AK5: variants seen among roughly 807,000 people sequenced by gnomAD.
The protein encoded by AK5 is adenylate kinase 5, also known as adenylate kinase isoenzyme 5.
A neutral mutation model predicts 69.5 loss-of-function variants in AK5; 27 were observed. The ratio of observed to expected loss-of-function variants is 0.39; its 90% CI spans 0.29 to 0.54. The LOEUF (loss-of-function observed/expected upper bound fraction) is 0.54, where lower values mean the gene tolerates loss of function less well. AK5 is among the 20% of genes least tolerant of loss of function. The pLI is 0.71. For synonymous variants in AK5, 260 were observed against 244.4 expected (o/e 1.06, Z -0.60); for missense variants, 531 against 700.4 (o/e 0.76, Z 2.73).
chr1:77,313,912 A>G (rs367929684), intron 5 of AK5: 22 of 525,488 alleles, frequency 4.2e-5, no homozygotes, highest in African/African-American at 3.1e-4. Flanking sequence ...CCTGTAAGAA[A>G]GCAGAAGTCT....
chr1:77,435,046 A>G (rs975788361), intron 8 of AK5, among the ~76,000 whole-genome samples: 3 of 152,196 alleles, frequency 2.0e-5, no homozygotes, highest in African/African-American at 2.4e-5. Context: ...CAAGACAAAC[A>G]TTTGAGCATC....
intron 6 of AK5, among the ~76,000 whole-genome samples, chr1:77,344,994 C>CAAA (rs11290615): frequency 7.1e-6 from 1 of 140,120 alleles, no homozygotes; most frequent in Non-Finnish European, 1.6e-5. Flanking sequence ...TTAAATTGTG[C>CAAA]AAAAAAAAAA....
chr1:77,550,989 C>A (rs1258859772), intron 13 of AK5, among the ~76,000 whole-genome samples: 1 of 152,116 alleles, frequency 6.6e-6, no homozygotes, highest in African/African-American at 2.4e-5. Flanking sequence ...CCAGCCTGGC[C>A]AACATGGTGA....
rs562507119 is a variant in AK5, at chr1:77,349,191, G to A, written c.891+8623G>A. ...GCTTAATACGTGCCTAGTACTATTC[G>A]GAATGTTTCTGTTCTCACTTATAAG... is the stretch of plus-strand genomic sequence containing the variant. On this transcript the variant is annotated intron_variant, in intron 6 of 13. Coordinates refer to ENST00000354567, the MANE Select transcript of AK5 (RefSeq NM_174858.3). Among the ~76,000 whole-genome samples the A allele has an allele frequency of 8.5e-5, 13 of 152,106 alleles. 1 individual carries two copies. The highest frequency in any genetic ancestry group is 4.2e-4 in the South Asian group (2 of 4,812).
chr1:77,558,851 A>T lies in AK5; in HGVS notation c.*181A>T. ...TGTGAGAGGTGTCTGGAAATCATGC[A>T]TGGTGTATTTGGGACTATATCAACC... On this transcript the variant is annotated 3_prime_UTR_variant, in exon 14 of 14. Transcript: ENST00000354567. 1 of 594,370 alleles carries T rather than the reference A, an allele frequency of 1.7e-6. No individual in the cohort carries two copies. The highest frequency in any genetic ancestry group is 2.0e-5 in the South Asian group (1 of 49,458). The allele number at this position is 594,370 out of a possible 1,614,324, so 36.8% of individuals were successfully genotyped here.
intron 13 of AK5, among the ~76,000 whole-genome samples, chr1:77,541,185 G>A (rs1659250997): frequency 6.6e-6 from 1 of 152,164 alleles, no homozygotes; most frequent in Admixed American, 6.5e-5. Context: ...GGGATTACAG[G>A]CGTGAGCTAC....
At chr1:77,529,382 G>A (rs111314109) in intron 12 of AK5, among the ~76,000 whole-genome samples, 2,475 of 148,452 alleles carry the variant, frequency 0.017, 33 homozygotes, top group Non-Finnish European at 0.02. Context: ...CCCACAGGCT[G>A]GAGTGCAATG....
Position 77,518,627 on chromosome 1 carries a change from A to G in AK5, c.1211A>G (p.His404Arg). ...CTGGTGGAAAAATATGGATTTACAC[A>G]TCTCTCAACTGGCGAGCTCCTGCGT... is the stretch of plus-strand genomic sequence containing the variant. ...EKLVEKYGFT[H>R]LSTGELLREE... The change falls in exon 11 of 14, where the codon CAT becomes CGT. Residue 404 changes from histidine to arginine, a missense_variant. Physicochemically the swap from His to Arg is conservative, Grantham distance 29 (BLOSUM62 0). Coordinates refer to ENST00000354567, the MANE Select transcript of AK5 (RefSeq NM_174858.3). 6.2e-7 allele frequency: 1 copy of G among 1,614,200 alleles called. No homozygotes were observed. The highest frequency in any genetic ancestry group is 8.5e-7 in the Non-Finnish European group (1 of 1,180,026).
rs932571696 is a variant in AK5 at position 77,515,552 on chromosome 1, A to C, written c.1148-3012A>C. Among the ~76,000 whole-genome samples the C allele has an allele frequency of 2.6e-5, 4 of 152,226 alleles. No individual in the cohort carries two copies. The South Asian group carries it at 8.3e-4, about 32-fold the overall frequency. ...CTTACGATGTGCAAAGTGCTGTGTG[A>C]TGTGCTCAGGGCACCCAGAGAAGCT... is the stretch of plus-strand genomic sequence containing the variant. On this transcript the variant is annotated intron_variant, in intron 10 of 13. Transcript: ENST00000354567.
chr1:77,485,537 A>G (rs1313094524), intron 9 of AK5, among the ~76,000 whole-genome samples: 1 of 152,264 alleles, frequency 6.6e-6, no homozygotes, highest in Non-Finnish European at 1.5e-5. Context: ...GAAATTTTAT[A>G]TCACTACCTT....
chr1:77,485,106 C>G (rs1655506591), intron 9 of AK5, among the ~76,000 whole-genome samples: 2 of 152,254 alleles, frequency 1.3e-5, no homozygotes, highest in Non-Finnish European at 2.9e-5. Flanking sequence ...ATGTTAGGAA[C>G]ACCAGTGTAT....
chr1:77,313,190 T>C (rs192867600), intron 5 of AK5, among the ~76,000 whole-genome samples: 1 of 152,272 alleles, frequency 6.6e-6, no homozygotes, highest in Admixed American at 6.5e-5. Flanking sequence ...ATTTTTATCA[T>C]GTTATCACTT....
At chr1:77,469,685 G>A (rs1403535577) in intron 8 of AK5, among the ~76,000 whole-genome samples, 1 of 152,250 alleles carries the variant, frequency 6.6e-6, no homozygotes, top group African/African-American at 2.4e-5. Context: ...CAGCTGGGAT[G>A]ACCCAAACTG....
intron 6 of AK5, among the ~76,000 whole-genome samples, chr1:77,341,406 T>A (rs1275569859): frequency 6.6e-6 from 1 of 152,188 alleles, no homozygotes; most frequent in African/African-American, 2.4e-5. Flanking sequence ...GGCAGAATCC[T>A]CCTCTCAGCC....
chr1:77,495,224 A>C (rs1570255883), intron 10 of AK5, among the ~76,000 whole-genome samples: 1 of 152,350 alleles, frequency 6.6e-6, no homozygotes, highest in East Asian at 1.9e-4. Context: ...TAAGTGACAG[A>C]ATTGAGACTC....
At chr1:77,313,217 C>T (rs1432303139) in intron 5 of AK5, among the ~76,000 whole-genome samples, 1 of 152,070 alleles carries the variant, frequency 6.6e-6, no homozygotes, top group East Asian at 1.9e-4. Flanking sequence ...CCAAGATTAG[C>T]TGTCATTATT....
At chr1:77,470,198 G>A (rs1654375426) in intron 8 of AK5, among the ~76,000 whole-genome samples, 1 of 152,136 alleles carries the variant, frequency 6.6e-6, no homozygotes, top group South Asian at 2.1e-4. Context: ...CTACCTGTCA[G>A]GAGCTCAATA....
chr1:77,443,700 T>TG (rs1016220067), intron 8 of AK5, among the ~76,000 whole-genome samples: 2 of 148,278 alleles, frequency 1.3e-5, no homozygotes, highest in African/African-American at 5.1e-5. Flanking sequence ...TGTGTGTGTG[T>TG]GTGTGTGTGT....
At chr1:77,303,998 G>C (rs769847634) in intron 5 of AK5, among the ~76,000 whole-genome samples, 1 of 152,150 alleles carries the variant, frequency 6.6e-6, no homozygotes, top group African/African-American at 2.4e-5. Context: ...TATCCATTGA[G>C]TTGCAAACAA....
Sources: gnomAD v4.1 joint callset for allele counts (sites outside exome capture counted in the v4.1 genomes callset) on GRCh38, gnomAD v4.1.1 for gene constraint, MANE v1.5 for transcripts, NCBI Gene and HGNC (gene_info 2026-07-23, HGNC 2026-07-21) for gene names.